MGAT4C: variants seen among roughly 807,000 people sequenced by gnomAD.
MGAT4C encodes MGAT4 family member C.
A neutral mutation model predicts 40.1 loss-of-function variants in MGAT4C; 19 were observed. The observed-to-expected ratio is 0.47, with a 90% CI of 0.33 to 0.70. MGAT4C has a LOEUF of 0.70. Ranked by LOEUF, MGAT4C falls within the 30% of genes least tolerant of loss-of-function variation. The probability of loss-of-function intolerance (pLI) is 0.02; values close to 1 mark genes in which losing one functional copy is unlikely to be tolerated. For missense variants in MGAT4C, 491 were observed against 563.2 expected (o/e 0.87, Z 1.30); for synonymous variants, 181 against 187.1 (o/e 0.97, Z 0.27).
intron 3 of MGAT4C, among the ~76,000 whole-genome samples, chr12:86,429,801 T>G (rs1201267808): frequency 6.6e-6 from 1 of 152,172 alleles, no homozygotes; most frequent in African/African-American, 2.4e-5. Flanking sequence ...GCTTTCTGTA[T>G]CTGGTTATTG....
chr12:86,534,765 G>A (rs768610150), intron 2 of MGAT4C, among the ~76,000 whole-genome samples: 30 of 152,082 alleles, frequency 2.0e-4, no homozygotes, highest in Non-Finnish European at 3.4e-4. Flanking sequence ...CATAATAGAT[G>A]TAATTATAAC....
chr12:86,696,583 G>C (rs1042981424), intron 2 of MGAT4C, among the ~76,000 whole-genome samples: 57 of 152,182 alleles, frequency 3.7e-4, no homozygotes, highest in Non-Finnish European at 4.9e-4. Context: ...GCAAATGCCA[G>C]TGCCATTTTT....
chr12:86,628,057 T>C (rs944860649), intron 2 of MGAT4C, among the ~76,000 whole-genome samples: 4 of 152,094 alleles, frequency 2.6e-5, no homozygotes, highest in Admixed American at 1.3e-4. Context: ...TTAAATGACA[T>C]GATGGAGCTG....
chr12:85,957,505 T>C lies in MGAT4C; in HGVS notation c.*21784A>G, dbSNP rs1882858144. On this transcript the variant is annotated 3_prime_UTR_variant, in exon 5 of 5. Coordinates refer to ENST00000611864, the MANE Select transcript of MGAT4C (RefSeq NM_001351288.2). ...GTTGAGCAACAGACTTTGAGAGTTA[T>C]TATTAAGCATGCTACATATATCTGT... is the stretch of plus-strand genomic sequence containing the variant. 1.3e-5 allele frequency: 2 copies of C among 152,128 alleles called. No homozygotes were observed. The highest frequency in any genetic ancestry group is 4.1e-4 in the South Asian group (2 of 4,828). 9.4% of individuals were successfully genotyped at this position (152,128 alleles called of 1,614,324 possible).
At chr12:86,360,821 T>C (rs1213337800) in intron 3 of MGAT4C, among the ~76,000 whole-genome samples, 1 of 151,992 alleles carries the variant, frequency 6.6e-6, no homozygotes, top group Non-Finnish European at 1.5e-5. Flanking sequence ...AAACCATTGC[T>C]CAACGAAATA....
intron 1 of MGAT4C, among the ~76,000 whole-genome samples, chr12:86,821,960 A>T (rs1705890352): frequency 6.7e-6 from 1 of 150,322 alleles, no homozygotes; most frequent in Non-Finnish European, 1.5e-5. Flanking sequence ...TGTAGTAAAA[A>T]AGTTAAAGAC....
At chr12:86,124,773 C>A (rs1015597196) in intron 1 of MGAT4C, among the ~76,000 whole-genome samples, 2 of 152,042 alleles carry the variant, frequency 1.3e-5, no homozygotes, top group African/African-American at 4.8e-5. Context: ...CAGGGTCATA[C>A]AGTAAATCTG....
At chr12:86,309,193 A>G (rs1954010433) in intron 4 of MGAT4C, among the ~76,000 whole-genome samples, 1 of 143,434 alleles carries the variant, frequency 7.0e-6, no homozygotes, top group Non-Finnish European at 1.5e-5. Flanking sequence ...GCCTTTCTTT[A>G]TAAAGCCCTA....
At chr12:85,983,762 T>A in intron 3 of MGAT4C, 92 bp from the exon 4 acceptor site, 1 of 1,025,814 alleles carries the variant, frequency 9.7e-7, no homozygotes, top group Non-Finnish European at 1.4e-6. Context: ...AATGTACGAC[T>A]ACAATATATA....
intron 1 of MGAT4C, among the ~76,000 whole-genome samples, chr12:86,112,613 G>GCATTTTAGCAAA (rs1877650800): frequency 6.6e-6 from 1 of 151,632 alleles, no homozygotes; most frequent in Non-Finnish European, 1.5e-5. Context: ...GCAAATGAAT[G>GCATTTTAGCAAA]TGCATAAAAT....
At chr12:86,639,052 G>T (rs1000821393) in intron 2 of MGAT4C, among the ~76,000 whole-genome samples, 2 of 151,628 alleles carry the variant, frequency 1.3e-5, no homozygotes, top group African/African-American at 4.8e-5. Flanking sequence ...ATAACAATTT[G>T]AAAATCTCAA....
chr12:86,280,492 A>G lies in MGAT4C; in HGVS notation c.-57+53573T>C, dbSNP rs189568630. Among the ~76,000 whole-genome samples the G allele has an allele frequency of 1.5e-4, 23 of 152,196 alleles. No individual in the cohort carries two copies. In the East Asian group the frequency reaches 4.4e-3, roughly 29 times the overall value. On this transcript the variant is annotated intron_variant, in intron 4 of 7. Coordinates refer to the MGAT4C transcript ENST00000548651. The stretch of plus-strand genomic sequence containing the variant: ...AAACTGTCCTTTTGACTCAAGATCC[A>G]TGGCCTACCATTTCGGATATAAAGC...
At chr12:86,297,789 A>T (rs1466694550) in intron 4 of MGAT4C, among the ~76,000 whole-genome samples, 1 of 152,194 alleles carries the variant, frequency 6.6e-6, no homozygotes, top group Non-Finnish European at 1.5e-5. Context: ...CATCCTATCT[A>T]TTCAGACACA....
chr12:86,145,411 G>A (rs974021734), intron 1 of MGAT4C, among the ~76,000 whole-genome samples: 1 of 152,102 alleles, frequency 6.6e-6, no homozygotes, highest in Non-Finnish European at 1.5e-5. Context: ...AATAAATTGG[G>A]TTGTGCACAA....
chr12:86,633,189 T>C (rs1963117214), intron 2 of MGAT4C, among the ~76,000 whole-genome samples: 1 of 152,022 alleles, frequency 6.6e-6, no homozygotes, highest in African/African-American at 2.4e-5. Flanking sequence ...TCTGAGAACA[T>C]AATAGAAGAT....
At chr12:86,015,302 G>C (rs1359265038) in intron 2 of MGAT4C, among the ~76,000 whole-genome samples, 3 of 151,836 alleles carry the variant, frequency 2.0e-5, no homozygotes, top group Non-Finnish European at 2.9e-5. Flanking sequence ...CTGGGGCCCA[G>C]TGTGCTGGAA....
intron 4 of MGAT4C, among the ~76,000 whole-genome samples, chr12:85,981,382 A>C (rs2136687917): frequency 6.6e-6 from 1 of 152,328 alleles, no homozygotes; most frequent in African/African-American, 2.4e-5. Flanking sequence ...ATCTATATAC[A>C]ACAAGATCAT....
At chr12:86,246,595 T>C (rs528316907) in intron 1 of MGAT4C, among the ~76,000 whole-genome samples, 1 of 152,332 alleles carries the variant, frequency 6.6e-6, no homozygotes, top group South Asian at 2.1e-4. Context: ...TAGCTATATG[T>C]TCTATAAACA....
chr12:86,814,690 C>T (rs1436767929), intron 1 of MGAT4C, among the ~76,000 whole-genome samples: 2 of 151,798 alleles, frequency 1.3e-5, no homozygotes, highest in African/African-American at 4.8e-5. Context: ...ATTCCAAGGT[C>T]GAGCTTTTGG....
Sources: gnomAD v4.1 joint callset for allele counts (sites outside exome capture counted in the v4.1 genomes callset) on GRCh38, gnomAD v4.1.1 for gene constraint, MANE v1.5 for transcripts, NCBI Gene and HGNC (gene_info 2026-07-23, HGNC 2026-07-21) for gene names.